STK38: variants seen among roughly 807,000 people sequenced by gnomAD.
STK38 encodes the protein serine/threonine kinase 38, also known as serine/threonine-protein kinase 38.
Under a neutral mutation model 59.0 loss-of-function variants are expected in STK38, and 26 were observed. The observed-to-expected ratio is 0.44, with a 90% CI of 0.32 to 0.61. The LOEUF (loss-of-function observed/expected upper bound fraction) is 0.61, where lower values mean the gene tolerates loss of function less well. STK38 is among the 20% of genes least tolerant of loss of function. STK38 has a pLI of 0.04. For synonymous variants in STK38, 175 were observed against 176.6 expected, an observed-to-expected ratio of 0.99 and a Z score of 0.07; for missense variants, 433 against 566.0, an observed-to-expected ratio of 0.76 and a Z score of 2.38.
At chr6:36,527,230 T>TA (rs1561986951) in intron 2 of STK38, among the ~76,000 whole-genome samples, 1 of 134,408 alleles carries the variant, frequency 7.4e-6, no homozygotes, top group African/African-American at 2.9e-5. Flanking sequence ...ATATATATAT[T>TA]TATATGTATA....
At position 36,497,797 on chromosome 6, in the gene STK38, A is replaced by T. The variant is rs773881004; in HGVS notation, c.1155T>A (p.Val385=). The change falls in exon 12 of 14, where the codon GTT becomes GTA. Residue 385 remains valine, a synonymous_variant. Transcript: ENST00000229812. ...EIKSNSFFEG[V]DWEHIRERPA... is the part of the protein sequence containing the mutation. Reference sequence around the variant, plus strand: ...GGATATACCTGATATGTTCCCAGTCAACGCCTTCAAAAAAAGAGTTACTTT... The same window carrying T: ...GGATATACCTGATATGTTCCCAGTCTACGCCTTCAAAAAAAGAGTTACTTT... The T allele has an allele frequency of 6.2e-7, 1 of 1,613,162 alleles. No homozygotes were observed. The highest frequency in any genetic ancestry group is 8.5e-7 in the Non-Finnish European group (1 of 1,179,598).
Position 36,495,911 on chromosome 6 carries a change from G to A in STK38, c.1271C>T (p.Ala424Val). ...PESDILKPTVATSNHPETDYK... is the reference protein window; with the variant it reads ...PESDILKPTVVTSNHPETDYK... ...GTCAGTCTCAGGATGATTACTTGTG[G>A]CCACTGGGAAAGAAATAGATGTGAG... The change falls in exon 14 of 14, where the codon GCC (alanine) becomes GTC (valine). Residue 424 changes from alanine to valine, a missense_variant. By Grantham distance (64) the Ala-to-Val change is moderately conservative. Coordinates refer to ENST00000229812, the MANE Select transcript of STK38 (RefSeq NM_007271.4). 6.2e-7 allele frequency: 1 copy of A among 1,613,976 alleles called. No homozygotes were observed. Among genetic ancestry groups the A allele is most frequent in the Non-Finnish European group, 8.5e-7 (1 of 1,179,930 alleles).
intron 2 of STK38, among the ~76,000 whole-genome samples, chr6:36,530,249 G>C (rs976539355): frequency 7.3e-5 from 11 of 151,000 alleles, no homozygotes; most frequent in African/African-American, 2.7e-4. Flanking sequence ...AGAAAGAAAA[G>C]AGAAGAGAAG....
Position 36,495,367 on chromosome 6 carries a change from G to T in STK38, c.*417C>A. ...TACTATGGAACTTTTAGCTATAAAGGAAATACTTGGTGGGCTTGGCAGAGA... is the reference window on the plus strand; with the variant it reads ...TACTATGGAACTTTTAGCTATAAAGTAAATACTTGGTGGGCTTGGCAGAGA... On this transcript the variant is annotated 3_prime_UTR_variant, in exon 14 of 14. Transcript: ENST00000229812. 1 of 168,532 alleles carries T rather than the reference G, an allele frequency of 5.9e-6. No individual in the cohort carries two copies. The highest frequency in any genetic ancestry group is 1.4e-4 in the South Asian group (1 of 6,928). The allele number at this position is 168,532 out of a possible 1,614,324, so 10.4% of individuals were successfully genotyped here. A position where few individuals can be genotyped will look rare whatever the true frequency, so the allele number is the denominator to read the frequency against.
intron 9 of STK38, among the ~76,000 whole-genome samples, chr6:36,501,582 C>T (rs1255406348): frequency 1.4e-5 from 2 of 144,206 alleles, no homozygotes; most frequent in Non-Finnish European, 3.0e-5. Flanking sequence ...ATGAACCACA[C>T]CTGGCTAATT....
chr6:36,538,371 A>C (rs2127490603), intron 2 of STK38, among the ~76,000 whole-genome samples: 1 of 152,356 alleles, frequency 6.6e-6, no homozygotes, highest in South Asian at 2.1e-4. Flanking sequence ...TGAAGAACCA[A>C]GAGGCATGAA....
intron 7 of STK38, 127 bp from the exon 8 acceptor site, chr6:36,507,729 T>C (rs949925110): frequency 4.8e-5 from 29 of 604,416 alleles, no homozygotes; most frequent in South Asian, 1.4e-4. Flanking sequence ...TCTTTTATGA[T>C]AGGAAAAATC....
chr6:36,535,461 C>T (rs1398251118), intron 2 of STK38, among the ~76,000 whole-genome samples: 1 of 151,608 alleles, frequency 6.6e-6, no homozygotes, highest in Admixed American at 6.6e-5. Flanking sequence ...AACACACAAA[C>T]AAACAAGCAA....
intron 4 of STK38, among the ~76,000 whole-genome samples, chr6:36,523,707 C>T (rs1220967598): frequency 6.6e-6 from 1 of 152,186 alleles, no homozygotes; most frequent in Non-Finnish European, 1.5e-5. Context: ...CTCTTGTGCC[C>T]AAGCAGGATC....
intron 5 of STK38, among the ~76,000 whole-genome samples, chr6:36,519,336 A>G (rs1983781): frequency 0.24 from 36,096 of 152,116 alleles, 4,520 homozygotes; most frequent in East Asian, 0.39. Flanking sequence ...GGAAACAGTA[A>G]CATTGCTTGC....
intron 7 of STK38, among the ~76,000 whole-genome samples, chr6:36,514,849 A>G (rs928352821): frequency 1.4e-4 from 10 of 70,204 alleles, no homozygotes; most frequent in Non-Finnish European, 2.1e-4. Flanking sequence ...ACTTCATCTC[A>G]AAAAAAAAAA....
At chr6:36,532,100 C>T (rs1229029331) in intron 2 of STK38, among the ~76,000 whole-genome samples, 1 of 152,062 alleles carries the variant, frequency 6.6e-6, no homozygotes, top group African/African-American at 2.4e-5. Flanking sequence ...ATCATCAAAA[C>T]TGTTTATTTA....
intron 6 of STK38, among the ~76,000 whole-genome samples, chr6:36,516,934 A>G (rs1337124872): frequency 6.6e-6 from 1 of 152,234 alleles, no homozygotes; most frequent in East Asian, 1.9e-4. Context: ...TAGCATCTAA[A>G]TGTTAAAAAA....
intron 7 of STK38, among the ~76,000 whole-genome samples, chr6:36,509,581 G>A (rs1049466970): frequency 1.3e-5 from 2 of 150,118 alleles, no homozygotes; most frequent in Non-Finnish European, 3.0e-5. Context: ...TTAATAAATC[G>A]AGGCGCAGGA....
intron 1 of STK38, among the ~76,000 whole-genome samples, chr6:36,545,746 T>G (rs1036378840): frequency 6.6e-6 from 1 of 152,226 alleles, no homozygotes; most frequent in East Asian, 1.9e-4. Flanking sequence ...TGGAGGCCTT[T>G]GCCCCATTTG....
At chr6:36,535,554 G>T (rs563167183) in intron 2 of STK38, among the ~76,000 whole-genome samples, 16 of 152,092 alleles carry the variant, frequency 1.1e-4, no homozygotes, top group African/African-American at 3.6e-4. Flanking sequence ...GATTCTCCAC[G>T]AACTGATCTA....
chr6:36,515,538 A>AC, intron 6 of STK38, 46 bp from the exon 7 acceptor site: 1 of 1,603,806 alleles, frequency 6.2e-7, no homozygotes, highest in South Asian at 1.1e-5. Flanking sequence ...ACACACACAC[A>AC]CACACACACA....
chr6:36,515,311 T>C (rs776159566), intron 7 of STK38, 27 bp downstream of exon 7: 7 of 1,610,424 alleles, frequency 4.3e-6, no homozygotes, highest in Admixed American at 3.4e-5. Context: ...TAAACGTGCA[T>C]AGTTCATGCC....
chr6:36,513,784 A>T (rs1268547989), intron 7 of STK38, among the ~76,000 whole-genome samples: 1 of 148,114 alleles, frequency 6.8e-6, no homozygotes, highest in Non-Finnish European at 1.5e-5. Flanking sequence ...TGGGAGGATC[A>T]CTTAAACCAG....
Sources: allele counts gnomAD v4.1 joint callset (sites outside exome capture counted in the v4.1 genomes callset), GRCh38; gene constraint gnomAD v4.1.1; transcripts MANE v1.5; gene names NCBI Gene and HGNC (gene_info 2026-07-23, HGNC 2026-07-21).